MESP1: variants seen among roughly 807,000 people sequenced by gnomAD.
MESP1 encodes the protein mesoderm posterior bHLH transcription factor 1.
A neutral mutation model predicts 15.2 loss-of-function variants in MESP1; 22 were observed. That is an observed-to-expected ratio of 1.45 (90% CI 1.04 to 2.07). The LOEUF is 2.07. Among genes scored for constraint, MESP1 ranks in the 30% most tolerant of loss-of-function variants. The pLI is 0.00. For missense variants in MESP1, 484 were observed against 411.9 expected, an observed-to-expected ratio of 1.17 and a Z score of -1.51; for synonymous variants, 216 against 192.6, an observed-to-expected ratio of 1.12 and a Z score of -1.01.
chr15:89,748,422 G>T (rs1422220714), downstream of MESP1, among the ~76,000 whole-genome samples: 1 of 152,196 alleles, frequency 6.6e-6, no homozygotes, highest in East Asian at 1.9e-4. Context: ...TCAGGGACTC[G>T]ATCCCACTCT....
At chr15:89,737,993 T>G in the MESP1 span, 8 of 1,550,378 alleles carry the variant, frequency 5.2e-6, no homozygotes, top group Non-Finnish European at 6.1e-6. Flanking sequence ...CAGAGCCCAC[T>G]GAGAAAGCGA....
Position 89,750,527 on chromosome 15 carries a change from C to G in MESP1, c.705G>C (p.Glu235Asp). 1 of 1,499,796 alleles carries G rather than the reference C, an allele frequency of 6.7e-7. No individual in the cohort carries two copies. Among genetic ancestry groups the G allele is most frequent in the Admixed American group, 2.1e-5 (1 of 46,850 alleles). 92.9% of individuals were successfully genotyped at this position (1,499,796 alleles called of 1,614,324 possible). A position where few individuals can be genotyped will look rare whatever the true frequency, so the allele number is the denominator to read the frequency against. ...EAACPEGQAM[E>D]PSPPSPLLPG... is the part of the protein sequence containing the mutation. ...CACTAACCGGGGACGGTGGGCTTGG[C>G]TCCATCGCCTGCCCTTCAGGGCACG... Residue 235 changes from glutamate (E) to aspartate (D), a missense_variant, in exon 1 of 2, where the codon GAG becomes GAC. Glu to Asp is a conservative substitution (Grantham distance 45). Transcript: ENST00000300057.
chr15:89,735,032 C>CCTTT, the MESP1 span, among the ~76,000 whole-genome samples: 1 of 149,726 alleles, frequency 6.7e-6, no homozygotes, highest in Non-Finnish European at 1.5e-5. Flanking sequence ...ATCCTTCTTT[C>CCTTT]CTTTCTTTCT....
chr15:89,750,649 C>T lies in MESP1; in HGVS notation c.583G>A (p.Val195Ile), dbSNP rs1440503760. The T allele has an allele frequency of 2.8e-5, 38 of 1,370,102 alleles. No homozygotes were observed. The highest frequency in any genetic ancestry group is 3.5e-5 in the Non-Finnish European group (37 of 1,070,776). The allele number at this position is 1,370,102 out of a possible 1,614,324, so 84.9% of individuals were successfully genotyped here. ...GATCCCCAGGACGCCCCGGCGCGGACGGCGGATACCAGGCCCAGCCCGCGC... is the reference window on the plus strand; with the variant it reads ...GATCCCCAGGACGCCCCGGCGCGGATGGCGGATACCAGGCCCAGCCCGCGC... ...QGRGLGLVSA[V>I]RAGASWGSPP... The change falls in exon 1 of 2, where the codon GTC becomes ATC. Residue 195 changes from valine (V) to isoleucine (I), a missense_variant. Val to Ile is a conservative substitution (Grantham distance 29, BLOSUM62 3). Transcript: ENST00000300057.
At chr15:89,735,651 G>A in the MESP1 span, 1 of 1,281,030 alleles carries the variant, frequency 7.8e-7, no homozygotes, top group Non-Finnish European at 1.1e-6. Flanking sequence ...TTGAAGGCCT[G>A]TTATGTGTTA....
At chr15:89,746,933 CCACA>C (rs56364935), downstream of MESP1, among the ~76,000 whole-genome samples, 392 of 106,626 alleles carry the variant, frequency 3.7e-3, 6 homozygotes, top group African/African-American at 0.015. Flanking sequence ...AGCCCCACCT[CCACA>C]CACACACACA....
chr15:89,751,103 C>G lies in MESP1; in HGVS notation c.129G>C (p.Trp43Cys). ...CGGGGCTGTCGGCTGGGGTGCTGCC[C>G]CATGAGTCTGGGGACGAGACGAGGG... ...GRSLVSSPDSWGSTPADSPVA... is the reference protein window; with the variant it reads ...GRSLVSSPDSCGSTPADSPVA... Residue 43 changes from tryptophan (W) to cysteine (C), a missense_variant, in exon 1 of 2, where the codon TGG (tryptophan) becomes TGC (cysteine). Physicochemically the swap from Trp to Cys is radical, Grantham distance 215. Transcript: ENST00000300057. 1.5e-6 allele frequency: 2 copies of G among 1,302,996 alleles called. No homozygotes were observed. The highest frequency in any genetic ancestry group is 1.9e-6 in the Non-Finnish European group (2 of 1,029,626). 80.7% of individuals were successfully genotyped at this position (1,302,996 alleles called of 1,614,324 possible).
At position 89,751,080 on chromosome 15, in the gene MESP1, G is replaced by A; in HGVS notation, c.152C>T (p.Pro51Leu). The A allele has an allele frequency of 7.5e-7, 1 of 1,324,544 alleles. No individual in the cohort carries two copies. Among genetic ancestry groups the A allele is most frequent in the Non-Finnish European group, 9.6e-7 (1 of 1,042,592 alleles). The allele number at this position is 1,324,544 out of a possible 1,614,324, so 82.0% of individuals were successfully genotyped here. A position where few individuals can be genotyped will look rare whatever the true frequency, so the allele number is the denominator to read the frequency against. Residue 51 changes from proline to leucine, a missense_variant, in exon 1 of 2, where the codon CCC becomes CTC. Pro to Leu is a moderately conservative substitution (Grantham distance 98). Transcript: ENST00000300057. Reference sequence around the variant, plus strand: ...GCCTGGCCGCGCGGGGCTCGCCACGGGGCTGTCGGCTGGGGTGCTGCCCCA... The same window carrying A: ...GCCTGGCCGCGCGGGGCTCGCCACGAGGCTGTCGGCTGGGGTGCTGCCCCA... ...DSWGSTPADS[P>L]VASPARPGTL... is the part of the protein sequence containing the mutation.
the MESP1 span, among the ~76,000 whole-genome samples, chr15:89,737,405 CAT>C: frequency 6.6e-6 from 1 of 152,166 alleles, no homozygotes; most frequent in Non-Finnish European, 1.5e-5. Flanking sequence ...CCCAAGCACA[CAT>C]GTGTGTGCAG....
chr15:89,748,045 T>C (rs1298490802), downstream of MESP1, among the ~76,000 whole-genome samples: 1 of 152,206 alleles, frequency 6.6e-6, no homozygotes, highest in Non-Finnish European at 1.5e-5. Flanking sequence ...ACCTAGGTGC[T>C]AATAAACACT....
downstream of MESP1, chr15:89,748,761 T>A (rs920896630): frequency 5.9e-5 from 9 of 152,052 alleles, no homozygotes; most frequent in Middle Eastern, 3.2e-3. Context: ...TAGGGAATAG[T>A]GAGGAGTGAT....
chr15:89,743,192 G>A, the MESP1 span: 5 of 1,184,548 alleles, frequency 4.2e-6, no homozygotes, highest in Admixed American at 1.8e-5. Context: ...TCCTCTTAGA[G>A]TTTCTCATAG....
the MESP1 span, chr15:89,743,608 C>T: frequency 1.7e-6 from 1 of 578,252 alleles, no homozygotes; most frequent in Non-Finnish European, 3.1e-6. Flanking sequence ...GCAGATGTGT[C>T]ACCCAAATAA....
the MESP1 span, chr15:89,733,146 T>G: frequency 6.2e-7 from 1 of 1,614,216 alleles, no homozygotes; most frequent in Non-Finnish European, 8.5e-7. Flanking sequence ...TGTGGTGCTG[T>G]GCACAGACGC....
chr15:89,744,683 C>T, the MESP1 span, among the ~76,000 whole-genome samples: 2 of 152,208 alleles, frequency 1.3e-5, no homozygotes, highest in Non-Finnish European at 2.9e-5. Flanking sequence ...TGCTAGAAAC[C>T]GAACACAAAC....
chr15:89,749,232 T>G (rs1364273260), downstream of MESP1: 1 of 152,168 alleles, frequency 6.6e-6, no homozygotes, highest in Admixed American at 6.5e-5. Context: ...TAGGAGGTCA[T>G]GGTTATATAA....
chr15:89,746,789 CCACA>C (rs370443651), downstream of MESP1, among the ~76,000 whole-genome samples: 20 of 127,532 alleles, frequency 1.6e-4, no homozygotes, highest in Non-Finnish European at 2.4e-4. Context: ...CCCTACCTCC[CCACA>C]CACACACACA....
chr15:89,732,806 CACAGCAGCATT>C, the MESP1 span, among the ~76,000 whole-genome samples: 381 of 152,294 alleles, frequency 2.5e-3, 4 homozygotes, highest in Admixed American at 2.7e-3. Context: ...CCTCTCCAGA[CACAGCAGCATT>C]CCCCTGCAGG....
At chr15:89,738,355 G>C in the MESP1 span, 1 of 1,245,486 alleles carries the variant, frequency 8.0e-7, no homozygotes, top group Non-Finnish European at 1.1e-6. Context: ...GGCTGGGCGT[G>C]GTGGCTCACG....
Sources: gnomAD v4.1 joint callset for allele counts (sites outside exome capture counted in the v4.1 genomes callset) on GRCh38, gnomAD v4.1.1 for gene constraint, MANE v1.5 for transcripts, NCBI Gene and HGNC (gene_info 2026-07-23, HGNC 2026-07-21) for gene names.